SRSF11: variants seen among roughly 807,000 people sequenced by gnomAD.
SRSF11 encodes the protein serine and arginine rich splicing factor 11.
Under a neutral mutation model 56.0 loss-of-function variants are expected in SRSF11, and 9 were observed. The ratio of observed to expected loss-of-function variants is 0.16; its 90% confidence interval spans 0.10 to 0.28. The LOEUF is 0.28. Ranked by LOEUF, SRSF11 falls within the 10% of genes least tolerant of loss-of-function variation. SRSF11 has a pLI of 1.00. For synonymous variants in SRSF11, 222 were observed against 215.3 expected (o/e 1.03, Z -0.27); for missense variants, 421 against 600.7 (o/e 0.70, Z 3.13).
At position 70,239,487 on chromosome 1, in the gene SRSF11, G is replaced by A; in HGVS notation, c.767G>A (p.Arg256Lys). The change falls in exon 7 of 12, where the codon AGG (arginine) becomes AAG (lysine). Residue 256 changes from arginine (R) to lysine (K), a missense_variant. Around this residue, in one of 2 missense-constraint regions of SRSF11, gnomAD observed 253 missense variants for 305.8 expected, o/e 0.83. Coordinates refer to ENST00000370949, the MANE Select transcript of SRSF11 (RefSeq NM_001350605.2). ...CATTCAAGATCAAGATCACGTTCTA[G>A]GAGGAGGAGGACTCCCTCATCTTCT... ...RRHSRSRSRS[R>K]RRRTPSSSRH... 1 of 1,606,206 alleles carries A rather than the reference G, an allele frequency of 6.2e-7. No homozygotes were observed.
At chr1:70,220,637 G>A (rs961565949), upstream of SRSF11, among the ~76,000 whole-genome samples, 6 of 152,156 alleles carry the variant, frequency 3.9e-5, no homozygotes, top group Admixed American at 1.3e-4. Flanking sequence ...ATCACCAGAG[G>A]TCAGGAGTTG....
chr1:70,220,010 T>C (rs1015703120), upstream of SRSF11, among the ~76,000 whole-genome samples: 4 of 151,946 alleles, frequency 2.6e-5, no homozygotes, highest in African/African-American at 9.7e-5. Context: ...TCAAGTGAAT[T>C]ATTTAGTGAA....
At chr1:70,226,933 ATTC>A (rs911406470) in intron 1 of SRSF11, among the ~76,000 whole-genome samples, 13 of 152,198 alleles carry the variant, frequency 8.5e-5, no homozygotes, top group African/African-American at 2.7e-4. Context: ...AAACCACTGT[ATTC>A]TTTAAGAAAC....
chr1:70,244,070 A>G (rs185145201), intron 7 of SRSF11, among the ~76,000 whole-genome samples: 16 of 152,334 alleles, frequency 1.1e-4, no homozygotes, highest in African/African-American at 2.4e-4. Flanking sequence ...CAAATTGTAT[A>G]TATCTGTAAA....
At chr1:70,239,173 C>T (rs1035755150) in intron 6 of SRSF11, among the ~76,000 whole-genome samples, 6 of 152,122 alleles carry the variant, frequency 3.9e-5, no homozygotes, top group Admixed American at 2.6e-4. Context: ...CTCACTGCAC[C>T]GTCCATCTCC....
At chr1:70,248,793 T>A (rs1239054390) in intron 9 of SRSF11, 5 of 152,162 alleles carry the variant, frequency 3.3e-5, no homozygotes, top group African/African-American at 9.7e-5. Context: ...GTAGTTGTGC[T>A]ACAGTCTGTT....
Position 70,251,016 on chromosome 1 carries a change from CTGAT to C in SRSF11, c.*215_*218del. Reference sequence around the variant, plus strand: ...TAACCAATTCTTGTCATGGTGAAATCTGATTGAGTAACCAAGCAGTTTTACTATT... The same window carrying C: ...TAACCAATTCTTGTCATGGTGAAATCTGAGTAACCAAGCAGTTTTACTATT... On this transcript the variant is annotated 3_prime_UTR_variant, in exon 12 of 12. Coordinates refer to ENST00000370949, the MANE Select transcript of SRSF11 (RefSeq NM_001350605.2). 2.0e-6 allele frequency: 1 copy of C among 500,586 alleles called. No homozygotes were observed. The highest frequency in any genetic ancestry group is 3.5e-6 in the Non-Finnish European group (1 of 281,938). The allele number at this position is 500,586 out of a possible 1,614,324, so 31.0% of individuals were successfully genotyped here. A position where few individuals can be genotyped will look rare whatever the true frequency, so the allele number is the denominator to read the frequency against.
intron 7 of SRSF11, among the ~76,000 whole-genome samples, chr1:70,244,453 A>G (rs1676278601): frequency 6.6e-6 from 1 of 152,186 alleles, no homozygotes; most frequent in South Asian, 2.1e-4. Flanking sequence ...CCTATCTGAC[A>G]GGTTGAGCAA....
intron 7 of SRSF11, among the ~76,000 whole-genome samples, chr1:70,239,859 T>C (rs187646543): frequency 6.6e-5 from 10 of 152,298 alleles, no homozygotes; most frequent in Admixed American, 1.3e-4. Flanking sequence ...TCTGGTAATA[T>C]CACCTTAGAT....
intron 1 of SRSF11, among the ~76,000 whole-genome samples, chr1:70,216,012 C>G (rs1052057763): frequency 6.6e-6 from 1 of 152,198 alleles, no homozygotes; most frequent in Non-Finnish European, 1.5e-5. Flanking sequence ...TCTCGAACCC[C>G]CGACCTCAGG....
intron 7 of SRSF11, among the ~76,000 whole-genome samples, chr1:70,240,851 C>A (rs1429626273): frequency 6.6e-6 from 1 of 151,286 alleles, no homozygotes; most frequent in Non-Finnish European, 1.5e-5. Flanking sequence ...TCTTGGCTCA[C>A]CACAACTTCC....
At chr1:70,231,519 T>C in intron 2 of SRSF11, 1 of 1,063,790 alleles carries the variant, frequency 9.4e-7, no homozygotes, top group Non-Finnish European at 1.1e-6. Flanking sequence ...CATTTTTTGG[T>C]ATGGTTAGCA....
intron 5 of SRSF11, among the ~76,000 whole-genome samples, chr1:70,236,772 A>C (rs1216889984): frequency 2.0e-5 from 3 of 150,826 alleles, no homozygotes; most frequent in African/African-American, 7.3e-5. Context: ...GCTCTTCCCC[A>C]AAAAATTACT....
exon 1 of SRSF11, chr1:70,205,754 C>G: frequency 2.1e-6 from 1 of 472,060 alleles, no homozygotes; most frequent in Non-Finnish European, 3.8e-6. Flanking sequence ...CGGTGCCGGC[C>G]TAGCGTCCTG....
At chr1:70,242,697 T>C (rs1675765668) in intron 7 of SRSF11, among the ~76,000 whole-genome samples, 1 of 152,182 alleles carries the variant, frequency 6.6e-6, no homozygotes, top group Non-Finnish European at 1.5e-5. Context: ...CTAATCTCTT[T>C]TGCTGGTTAA....
intron 1 of SRSF11, 98 bp from the exon 2 acceptor site, chr1:70,228,324 T>G: frequency 1.1e-6 from 1 of 879,514 alleles, no homozygotes; most frequent in Non-Finnish European, 1.7e-6. Flanking sequence ...GTTAGGTTTT[T>G]TTAATCTGTT....
chr1:70,242,184 G>C (rs945058693), intron 7 of SRSF11, among the ~76,000 whole-genome samples: 2 of 151,416 alleles, frequency 1.3e-5, no homozygotes, highest in African/African-American at 4.8e-5. Context: ...AAAAAAAAGG[G>C]AGAGCCTGTG....
At chr1:70,219,343 C>A (rs1041489659), upstream of SRSF11, among the ~76,000 whole-genome samples, 6 of 152,304 alleles carry the variant, frequency 3.9e-5, no homozygotes, top group Middle Eastern at 3.4e-3. Context: ...TGCTCAAATT[C>A]TTTATGTAAA....
chr1:70,246,898 G>A lies in SRSF11; in HGVS notation c.1013G>A (p.Ser338Asn). 1 of 1,604,422 alleles carries A rather than the reference G, an allele frequency of 6.2e-7. No individual in the cohort carries two copies. Among genetic ancestry groups the A allele is most frequent in the Non-Finnish European group, 8.5e-7 (1 of 1,176,168 alleles). ...TACAGCACAGCCAGACGTTCTAGAA[G>A]TGCAAGCAGGTAAGGTGGCATTGTG... Reference protein sequence around the residue: ...KSYSTARRSRSASRERRRRRS... With the variant: ...KSYSTARRSRNASRERRRRRS... The change falls in exon 9 of 12, where the codon AGT (serine) becomes AAT (asparagine). Residue 338 changes from serine to asparagine, a missense_variant. By Grantham distance (46) the Ser-to-Asn change is conservative. Around this residue, in one of 2 missense-constraint regions of SRSF11, gnomAD observed 253 missense variants for 305.8 expected, o/e 0.83. Transcript: ENST00000370949.
Sources: allele counts gnomAD v4.1 joint callset (sites outside exome capture counted in the v4.1 genomes callset), GRCh38; gene constraint gnomAD v4.1.1; regional missense constraint gnomAD v4.1.1; transcripts MANE v1.5; gene names NCBI Gene and HGNC (gene_info 2026-07-23, HGNC 2026-07-21).